The following CWH43 variants were observed in gnomAD, a reference collection of about 807,000 sequenced individuals.
The protein encoded by CWH43 is cell wall biogenesis 43 C-terminal homolog.
In CWH43, 91 loss-of-function variants were observed where a neutral mutation model predicts 85.7. The ratio of observed to expected loss-of-function variants is 1.06; its 90% CI spans 0.90 to 1.26. The LOEUF (loss-of-function observed/expected upper bound fraction) is 1.26, where lower values mean the gene tolerates loss of function less well. Among genes scored for constraint, CWH43 ranks in the 50% most tolerant of loss-of-function variants. The pLI is 0.00. For synonymous variants in CWH43, 323 were observed against 293.6 expected (o/e 1.10, Z -1.02); for missense variants, 869 against 839.2 (o/e 1.04, Z -0.44).
chr4:49,034,218 G>A (rs1784192066), intron 12 of CWH43, among the ~76,000 whole-genome samples: 1 of 152,066 alleles, frequency 6.6e-6, no homozygotes, highest in African/African-American at 2.4e-5. Context: ...TGATTTTCAT[G>A]TAGCAAGTAC....
chr4:48,986,765 GGCCTTGACCCCGC>G (rs963669997), intron 1 of CWH43: 2 of 1,268,256 alleles, frequency 1.6e-6, no homozygotes, highest in Non-Finnish European at 2.0e-6. Context: ...TCCTCGTGTC[GGCCTTGACCCCGC>G]GCGGCCGGTA....
At chr4:49,049,288 T>A (rs1386475455) in intron 14 of CWH43, among the ~76,000 whole-genome samples, 1 of 152,198 alleles carries the variant, frequency 6.6e-6, no homozygotes, top group Non-Finnish European at 1.5e-5. Context: ...CTGCTGGTCC[T>A]GCTCTGGGTT....
chr4:48,987,488 G>A (rs1486098925), intron 1 of CWH43, among the ~76,000 whole-genome samples: 1 of 152,172 alleles, frequency 6.6e-6, no homozygotes, highest in Admixed American at 6.5e-5. Context: ...TCTGACATTT[G>A]CTACTTGTGT....
intron 15 of CWH43, among the ~76,000 whole-genome samples, chr4:49,052,258 ATCTG>A (rs1784824132): frequency 6.6e-6 from 1 of 152,142 alleles, no homozygotes. Flanking sequence ...CCTTAGGGTC[ATCTG>A]TCTGGTTCAA....
chr4:49,007,008 C>T (rs1783180848), intron 7 of CWH43, 193 bp from the exon 8 acceptor site: 1 of 498,124 alleles, frequency 2.0e-6, no homozygotes, highest in Non-Finnish European at 3.2e-6. Flanking sequence ...AAGCACGATT[C>T]CTAGAACCCT....
chr4:49,002,457 A>T (rs1052634477), intron 6 of CWH43, among the ~76,000 whole-genome samples: 13 of 152,210 alleles, frequency 8.5e-5, no homozygotes, highest in African/African-American at 2.7e-4. Context: ...AATATGTGGT[A>T]CAATTCCATT....
At chr4:49,037,186 G>A (rs1346400261) in intron 12 of CWH43, among the ~76,000 whole-genome samples, 1 of 152,096 alleles carries the variant, frequency 6.6e-6, no homozygotes, top group Non-Finnish European at 1.5e-5. Flanking sequence ...ACCCACCTAA[G>A]TATCTCAGTT....
Position 48,991,545 on chromosome 4 carries a change from G to A in CWH43, c.327G>A (p.Val109=). The A allele has an allele frequency of 1.2e-6, 2 of 1,614,042 alleles. No homozygotes were observed. The highest frequency in any genetic ancestry group is 1.7e-6 in the Non-Finnish European group (2 of 1,179,974). ...CTTCCTCACTGATAGTGCAAGCTGT[G>A]ACTTGGTGGTCAGGAAGTCATTTGC... is the stretch of plus-strand genomic sequence containing the variant. ...GVSSSLIVQA[V]TWWSGSHLQR... Residue 109 remains valine, a synonymous_variant, in exon 3 of 16, where the codon GTG becomes GTA. Coordinates refer to ENST00000226432, the MANE Select transcript of CWH43 (RefSeq NM_025087.3).
intron 14 of CWH43, among the ~76,000 whole-genome samples, chr4:49,046,627 A>G (rs1201990214): frequency 6.6e-6 from 1 of 152,066 alleles, no homozygotes. Context: ...CAGCACCTCA[A>G]GTGGAAGGAG....
At chr4:49,019,351 A>G (rs1400632300) in intron 9 of CWH43, among the ~76,000 whole-genome samples, 3 of 152,022 alleles carry the variant, frequency 2.0e-5, no homozygotes, top group Non-Finnish European at 4.4e-5. Context: ...GAGGCCTGGG[A>G]TGTTGGCAGA....
chr4:48,997,244 A>C (rs1444859064), intron 5 of CWH43, among the ~76,000 whole-genome samples: 1 of 146,140 alleles, frequency 6.8e-6, no homozygotes, highest in Non-Finnish European at 1.5e-5. Flanking sequence ...TTTTTTGTAG[A>C]GGCAAGGTCT....
At chr4:49,050,900 T>C (rs1784772356) in intron 15 of CWH43, 51 bp downstream of exon 15, 2 of 1,347,420 alleles carry the variant, frequency 1.5e-6, no homozygotes, top group African/African-American at 1.5e-5. Context: ...CATCCCTCTA[T>C]GGAACCTACA....
At chr4:49,059,927 G>A (rs1047267073) in intron 15 of CWH43, among the ~76,000 whole-genome samples, 19 of 152,156 alleles carry the variant, frequency 1.2e-4, no homozygotes, top group Non-Finnish European at 2.5e-4. Context: ...GATCCATTGG[G>A]ATAGATCTGG....
chr4:49,045,364 T>C (rs1265880650), intron 14 of CWH43, among the ~76,000 whole-genome samples: 1 of 152,190 alleles, frequency 6.6e-6, no homozygotes, highest in Admixed American at 6.6e-5. Context: ...CATACATGCG[T>C]ATGTGTGTGT....
At position 49,017,253 on chromosome 4, in the gene CWH43, G is replaced by C; in HGVS notation, c.1191G>C (p.Leu397=). 6.2e-7 allele frequency: 1 copy of C among 1,609,944 alleles called. No individual in the cohort carries two copies. The highest frequency in any genetic ancestry group is 1.1e-5 in the South Asian group (1 of 90,234). ...TTATTTCTTTTTTCTGTTTAGTTCT[G>C]TGGCTGCTTGTTGGTGTGGGATTGT... ...RKSEKYMKLF[L]WLLVGVGLLG... is the part of the protein sequence containing the mutation. Residue 397 remains leucine, a synonymous_variant, in exon 9 of 16, where the codon CTG becomes CTC. Transcript: ENST00000226432.
At chr4:49,002,332 T>C (rs190948138) in intron 6 of CWH43, among the ~76,000 whole-genome samples, 5 of 152,308 alleles carry the variant, frequency 3.3e-5, no homozygotes, top group Admixed American at 3.3e-4. Context: ...ACTTATATTG[T>C]GGTGTATTTA....
At chr4:49,000,056 T>TA (rs1050094282) in intron 6 of CWH43, among the ~76,000 whole-genome samples, 78 of 148,524 alleles carry the variant, frequency 5.3e-4, no homozygotes, top group East Asian at 1.8e-3. Flanking sequence ...TGACTCTAAG[T>TA]AAAAAAAAAA....
chr4:49,003,536 T>A, intron 6 of CWH43, 199 bp from the exon 7 acceptor site: 1 of 551,938 alleles, frequency 1.8e-6, no homozygotes, highest in Non-Finnish European at 3.2e-6. Flanking sequence ...TAGATCCACA[T>A]TCTACCTCCA....
At chr4:48,994,482 T>C (rs1410161576) in intron 4 of CWH43, 137 bp from the exon 5 acceptor site, 2 of 677,950 alleles carry the variant, frequency 3.0e-6, no homozygotes, top group Non-Finnish European at 5.1e-6. Flanking sequence ...ATATTGTAGT[T>C]GCATGTCTCA....
Sources: gnomAD v4.1 joint callset for allele counts (sites outside exome capture counted in the v4.1 genomes callset) on GRCh38, gnomAD v4.1.1 for gene constraint, MANE v1.5 for transcripts, NCBI Gene and HGNC (gene_info 2026-07-23, HGNC 2026-07-21) for gene names.